Variants in RUNDC3A observed in about 807,000 individuals in gnomAD.
The protein encoded by RUNDC3A is RUN domain containing 3A.
RUNDC3A carries 28 observed loss-of-function variants against 53.9 expected under a neutral mutation model. That is an observed-to-expected ratio of 0.52 (90% CI 0.38 to 0.71). The LOEUF (loss-of-function observed/expected upper bound fraction) is 0.71. Among genes scored for constraint, RUNDC3A ranks in the 30% least tolerant of loss-of-function variants. The pLI is 0.00. For synonymous variants in RUNDC3A, 232 were observed against 249.4 expected (o/e 0.93, Z 0.66); for missense variants, 491 against 597.3 (o/e 0.82, Z 1.85).
rs771733799 is a variant in RUNDC3A, at chr17:44,318,065, T to C, written c.1199-31T>C. The C allele has an allele frequency of 3.2e-6, 5 of 1,546,502 alleles. No homozygotes were observed. The South Asian group carries it at 6.0e-5, about 18-fold the overall frequency. On this transcript the variant is annotated intron_variant, in intron 10 of 10. Transcript: ENST00000426726. ...ACCAACTCCCACACATGTAGACTGG[T>C]CGCTTGGCCTCACCTGCCCTCTCTC...
chr17:44,311,817 C>T (rs1238064157), intron 1 of RUNDC3A, among the ~76,000 whole-genome samples: 1 of 152,140 alleles, frequency 6.6e-6, no homozygotes, highest in Non-Finnish European at 1.5e-5. Context: ...CCCTTAGTCC[C>T]TTCCTCCCAA....
Position 44,316,397 on chromosome 17 carries a change from C to A in RUNDC3A, c.966C>A (p.Ile322=). The A allele has an allele frequency of 6.2e-7, 1 of 1,613,508 alleles. No individual in the cohort carries two copies. Among genetic ancestry groups the A allele is most frequent in the Non-Finnish European group, 8.5e-7 (1 of 1,179,574 alleles). ...LELQEQLTGL[I]PSDHAPLAQG... is the part of the protein sequence containing the mutation. Reference sequence around the variant, plus strand: ...CTCCCCCTCCCAGGACAGGTCTGATCCCCAGTGACCACGCCCCTCTGGCCC... The same window carrying A: ...CTCCCCCTCCCAGGACAGGTCTGATACCCAGTGACCACGCCCCTCTGGCCC... Residue 322 remains isoleucine, a synonymous_variant, in exon 9 of 11, where the codon ATC becomes ATA. Coordinates refer to ENST00000426726, the MANE Select transcript of RUNDC3A (RefSeq NM_001144825.2).
chr17:44,308,745 A>C lies in RUNDC3A; in HGVS notation c.-88A>C. On this transcript the variant is annotated 5_prime_UTR_variant, in exon 1 of 11. Transcript: ENST00000426726. ...AGGGTTGAGGGGCCCCGTCGGACAG[A>C]GGGCCCAGCCGTGATCCAGCGACGG... 1 of 804,362 alleles carries C rather than the reference A, an allele frequency of 1.2e-6. No individual in the cohort carries two copies. The allele number at this position is 804,362 out of a possible 1,614,324, so 49.8% of individuals were successfully genotyped here. A position where few individuals can be genotyped will look rare whatever the true frequency, so the allele number is the denominator to read the frequency against.
rs533634501 is a variant in RUNDC3A, at chr17:44,310,220, C to T, written c.107+1281C>T. Among the ~76,000 whole-genome samples, 5 of 152,366 alleles carry T rather than the reference C, an allele frequency of 3.3e-5. No individual in the cohort carries two copies. In the South Asian group the frequency reaches 1.0e-3, roughly 32 times the overall value. On this transcript the variant is annotated intron_variant, in intron 1 of 10. Transcript: ENST00000426726. ...GCGCCACCTTGGGGAGGTCTCTTAA[C>T]CACTCTGGGCCTTGGGTGCCCCATC...
chr17:44,316,061 G>T (rs2047855787), intron 8 of RUNDC3A, among the ~76,000 whole-genome samples: 2 of 151,828 alleles, frequency 1.3e-5, no homozygotes, highest in Admixed American at 1.3e-4. Context: ...CCACCACCCT[G>T]ATCTTGCGGC....
At chr17:44,314,648 T>C (rs1240432995) in intron 4 of RUNDC3A, 87 bp from the exon 5 acceptor site, 1 of 1,106,498 alleles carries the variant, frequency 9.0e-7, no homozygotes, top group Non-Finnish European at 1.3e-6. Flanking sequence ...CAGGATGGGG[T>C]GGCAGTAAGC....
At chr17:44,314,065 A>G (rs952376622) in intron 4 of RUNDC3A, 30 of 992,810 alleles carry the variant, frequency 3.0e-5, no homozygotes, top group Non-Finnish European at 3.4e-5. Flanking sequence ...CCACCCTTGC[A>G]CACCTCTGGA....
At position 44,316,575 on chromosome 17, in the gene RUNDC3A, G is replaced by A. The variant is rs760165342; in HGVS notation, c.1092-44G>A. 2.6e-5 allele frequency: 41 copies of A among 1,578,584 alleles called. No homozygotes were observed. The South Asian group carries it at 4.4e-4, about 17-fold the overall frequency. On this transcript the variant is annotated intron_variant, in intron 9 of 10. Coordinates refer to ENST00000426726, the MANE Select transcript of RUNDC3A (RefSeq NM_001144825.2). Reference sequence around the variant, plus strand: ...CCTGAGAGCGGGTCGTCCTGGGGAAGAAGGGCTTCCTCTACCGGCGCACCA... The same window carrying A: ...CCTGAGAGCGGGTCGTCCTGGGGAAAAAGGGCTTCCTCTACCGGCGCACCA...
rs184655304 is a variant in RUNDC3A at position 44,310,932 on chromosome 17, G to A, written c.108-1648G>A. On this transcript the variant is annotated intron_variant, in intron 1 of 10. Coordinates refer to ENST00000426726, the MANE Select transcript of RUNDC3A (RefSeq NM_001144825.2). ...GGCCAGCCTTCCCAGCCACGACCCC[G>A]CTCCTCACCATCCCTGCCCAGCGGC... 1.3e-3 allele frequency: 1,327 copies of A among 985,464 alleles called. 13 individuals are homozygous for A. The African/African-American group carries it at 0.022, about 16-fold the overall frequency. The allele number at this position is 985,464 out of a possible 1,614,324, so 61.0% of individuals were successfully genotyped here.
At chr17:44,314,498 G>A in intron 4 of RUNDC3A, 3 of 1,411,690 alleles carry the variant, frequency 2.1e-6, no homozygotes, top group Non-Finnish European at 2.8e-6. Flanking sequence ...TACTTGATGA[G>A]GAAGGGGTAG....
chr17:44,316,579 G>A (rs1480080248), intron 9 of RUNDC3A, 40 bp from the exon 10 acceptor site: 2 of 1,573,934 alleles, frequency 1.3e-6, no homozygotes, highest in Admixed American at 1.9e-5. Flanking sequence ...GGGGAAGAAG[G>A]GCTTCCTCTA....
At chr17:44,314,681 G>A in intron 4 of RUNDC3A, 54 bp from the exon 5 acceptor site, 9 of 1,285,954 alleles carry the variant, frequency 7.0e-6, no homozygotes, top group South Asian at 1.4e-5. Flanking sequence ...CTCTGGGGGG[G>A]GGGGGGGCGC....
In RUNDC3A at chr17:44,315,559, G is replaced by A; in HGVS notation, c.903G>A (p.Gln301=). 1 of 1,514,718 alleles carries A rather than the reference G, an allele frequency of 6.6e-7. No homozygotes were observed. The highest frequency in any genetic ancestry group is 1.2e-5 in the South Asian group (1 of 80,332). The allele number at this position is 1,514,718 out of a possible 1,614,324, so 93.8% of individuals were successfully genotyped here. A position where few individuals can be genotyped will look rare whatever the true frequency, so the allele number is the denominator to read the frequency against. ...LQLEEAAAQN[Q]REKRELEGVI... The stretch of plus-strand genomic sequence containing the variant: ...TGGAGGAGGCGGCGGCGCAGAACCA[G>A]CGCGAGAAACGGGAGCTGGAAGGCG... Residue 301 remains glutamine, a synonymous_variant, in exon 8 of 11, where the codon CAG becomes CAA. Transcript: ENST00000426726. The surrounding 1 kb of genome is among the most constrained non-coding windows in gnomAD (Gnocchi z 6.1).
intron 1 of RUNDC3A, among the ~76,000 whole-genome samples, 171 bp from the exon 2 acceptor site, chr17:44,312,409 G>A (rs745305585): frequency 4.0e-5 from 6 of 151,812 alleles, no homozygotes; most frequent in African/African-American, 1.2e-4. Flanking sequence ...CACATGACAC[G>A]GTACCTCTAT....
At chr17:44,309,007 C>G in intron 1 of RUNDC3A, 68 bp downstream of exon 1, 1 of 1,079,372 alleles carries the variant, frequency 9.3e-7, no homozygotes. Context: ...TGCGGAAACC[C>G]GGACTGAGCG....
chr17:44,317,965 T>C, intron 10 of RUNDC3A, 131 bp from the exon 11 acceptor site: 2 of 910,508 alleles, frequency 2.2e-6, no homozygotes, highest in South Asian at 3.4e-5. Flanking sequence ...TAACTGAAAA[T>C]GGCAAATGCT....
rs2047914100 is a variant in RUNDC3A, at chr17:44,318,223, A to G, written c.1326A>G (p.Ala442=). The change falls in exon 11 of 11, where the codon GCA becomes GCG. Residue 442 remains alanine (A), a synonymous_variant. Coordinates refer to ENST00000426726, the MANE Select transcript of RUNDC3A (RefSeq NM_001144825.2). ...GCGACAGTCCCGAGGGCAGCCCAGC[A>G]CTGAGCCCCAGCTGAGGAACAGCAT... The part of the protein sequence containing the change: ...LVSDSPEGSP[A]LSPS The G allele has an allele frequency of 1.9e-6, 3 of 1,550,822 alleles. No individual in the cohort carries two copies. In the East Asian group the frequency reaches 7.3e-5, roughly 38 times the overall value.
chr17:44,314,676 G>GGA, intron 4 of RUNDC3A, 59 bp from the exon 5 acceptor site: 7 of 519,302 alleles, frequency 1.3e-5, no homozygotes, highest in Non-Finnish European at 1.4e-5. Flanking sequence ...AGCAGCTCTG[G>GGA]GGGGGGGGGG....
Position 44,318,279 on chromosome 17 carries a change from A to T in RUNDC3A, c.*41A>T. 1 of 1,528,136 alleles carries T rather than the reference A, an allele frequency of 6.5e-7. No individual in the cohort carries two copies. The highest frequency in any genetic ancestry group is 8.9e-7 in the Non-Finnish European group (1 of 1,129,350). 94.7% of individuals were successfully genotyped at this position (1,528,136 alleles called of 1,614,324 possible). A position where few individuals can be genotyped will look rare whatever the true frequency, so the allele number is the denominator to read the frequency against. On this transcript the variant is annotated 3_prime_UTR_variant, in exon 11 of 11. Transcript: ENST00000426726. ...GTGCCAGCCCCACCTGCCAGGGGCCATGGACACCTGCCACCTTTCTTCAAC... is the reference window on the plus strand; with the variant it reads ...GTGCCAGCCCCACCTGCCAGGGGCCTTGGACACCTGCCACCTTTCTTCAAC...
Sources: gnomAD v4.1 joint callset for allele counts (sites outside exome capture counted in the v4.1 genomes callset) on GRCh38, gnomAD v4.1.1 for gene constraint, Gnocchi (gnomAD v3.1) non-coding constraint, MANE v1.5 for transcripts, NCBI Gene and HGNC (gene_info 2026-07-23, HGNC 2026-07-21) for gene names.